The following BMPR1B variants were observed in gnomAD, a reference collection of about 807,000 sequenced individuals.
The protein encoded by BMPR1B is bone morphogenetic protein receptor type 1B, also known as bone morphogenetic protein receptor type-1B.
In BMPR1B, 12 loss-of-function variants were observed where a neutral mutation model predicts 59.1. That is an observed-to-expected ratio of 0.20 (90% CI 0.13 to 0.33). The LOEUF (loss-of-function observed/expected upper bound fraction) is 0.33, where lower values mean the gene tolerates loss of function less well. Ranked by LOEUF, BMPR1B falls within the 10% of genes least tolerant of loss-of-function variation. The probability of loss-of-function intolerance (pLI) is 1.00; values close to 1 mark genes in which losing one functional copy is unlikely to be tolerated. For synonymous variants in BMPR1B, 237 were observed against 207.3 expected, an observed-to-expected ratio of 1.14 and a Z score of -1.23; for missense variants, 550 against 610.9, an observed-to-expected ratio of 0.90 and a Z score of 1.05.
At chr4:94,809,080 A>G (rs927147607) in intron 1 of BMPR1B, among the ~76,000 whole-genome samples, 2 of 151,998 alleles carry the variant, frequency 1.3e-5, no homozygotes, top group Non-Finnish European at 2.9e-5. Flanking sequence ...ATAATTGTAC[A>G]GTTCTTTGAT....
intron 3 of BMPR1B, among the ~76,000 whole-genome samples, chr4:95,085,989 C>CTGTG (rs3068102): frequency 0.24 from 35,783 of 149,734 alleles, 5,240 homozygotes; most frequent in South Asian, 0.38. Context: ...GTGTGTGTAC[C>CTGTG]TGTGTGTGTG....
At chr4:95,000,389 T>C (rs1722356390) in intron 3 of BMPR1B, among the ~76,000 whole-genome samples, 1 of 151,950 alleles carries the variant, frequency 6.6e-6, no homozygotes, top group Non-Finnish European at 1.5e-5. Context: ...TGTTAAAAAA[T>C]ATGTGGAGTG....
chr4:95,002,081 T>C (rs6841746), intron 3 of BMPR1B, among the ~76,000 whole-genome samples: 145,497 of 152,200 alleles, frequency 0.96, 69,577 homozygotes, highest in Middle Eastern at 0.99. Context: ...GATCCCATCA[T>C]CCAAGTAGTG....
intron 1 of BMPR1B, among the ~76,000 whole-genome samples, chr4:94,843,287 A>G (rs997286918): frequency 6.6e-6 from 1 of 152,230 alleles, no homozygotes; most frequent in African/African-American, 2.4e-5. Flanking sequence ...GAAGTTTATT[A>G]TCAAAACAAT....
intron 2 of BMPR1B, among the ~76,000 whole-genome samples, chr4:94,923,068 C>A (rs1014485826): frequency 2.0e-4 from 30 of 152,236 alleles, no homozygotes; most frequent in African/African-American, 7.2e-4. Context: ...CACCATGGGT[C>A]TCTAAAATGC....
chr4:94,819,567 C>T (rs1724130565), intron 1 of BMPR1B, among the ~76,000 whole-genome samples: 1 of 152,174 alleles, frequency 6.6e-6, no homozygotes, highest in Non-Finnish European at 1.5e-5. Context: ...TCTAGTCACA[C>T]CACTTAAACA....
chr4:94,887,263 A>T (rs1462172911), intron 2 of BMPR1B, among the ~76,000 whole-genome samples: 1 of 151,620 alleles, frequency 6.6e-6, no homozygotes, highest in East Asian at 1.9e-4. Flanking sequence ...CCTTTAAACT[A>T]GGAATTGTGT....
rs571207756 is a variant in BMPR1B, at chr4:95,053,356, C to G, written c.-17-51052C>G. 3.1e-3 allele frequency among the ~76,000 whole-genome samples: 445 copies of G among 144,850 alleles called. 4 individuals are homozygous for G. The highest frequency in any genetic ancestry group is 0.011 in the African/African-American group (423 of 40,042). ...TGTACTTAATTTATCTTATATCATACTATCATAGTGGCTAAGAGTACAAAT... is the reference window on the plus strand; with the variant it reads ...TGTACTTAATTTATCTTATATCATAGTATCATAGTGGCTAAGAGTACAAAT... On this transcript the variant is annotated intron_variant, in intron 3 of 12. Transcript: ENST00000515059.
chr4:94,804,344 AACAAATACTT>A, intron 1 of BMPR1B, among the ~76,000 whole-genome samples: 1 of 152,212 alleles, frequency 6.6e-6, no homozygotes, highest in South Asian at 2.1e-4. Flanking sequence ...GGGGAATCAC[AACAAATACTT>A]GTTTATTAAA....
At chr4:94,803,555 A>T (rs1428779379) in intron 1 of BMPR1B, among the ~76,000 whole-genome samples, 1 of 152,192 alleles carries the variant, frequency 6.6e-6, no homozygotes, top group Non-Finnish European at 1.5e-5. Flanking sequence ...AATATCAAAA[A>T]TGGGCAGAAT....
intron 3 of BMPR1B, among the ~76,000 whole-genome samples, chr4:95,046,182 T>C (rs1404904195): frequency 6.6e-6 from 1 of 152,168 alleles, no homozygotes; most frequent in Non-Finnish European, 1.5e-5. Flanking sequence ...TAACTGGGAC[T>C]ATAGCCAAGT....
chr4:94,760,323 A>G (rs1721710328), intron 1 of BMPR1B, among the ~76,000 whole-genome samples: 1 of 152,176 alleles, frequency 6.6e-6, no homozygotes, highest in African/African-American at 2.4e-5. Context: ...GTTTCTCTAA[A>G]TGTTCCAGTC....
At chr4:95,017,735 A>G (rs1319884117) in intron 3 of BMPR1B, among the ~76,000 whole-genome samples, 2 of 152,152 alleles carry the variant, frequency 1.3e-5, no homozygotes, top group Non-Finnish European at 2.9e-5. Flanking sequence ...TTCAATGTGT[A>G]TACTGTACTG....
chr4:94,975,279 T>C (rs774071843), intron 2 of BMPR1B, among the ~76,000 whole-genome samples: 3 of 152,170 alleles, frequency 2.0e-5, no homozygotes, highest in Admixed American at 6.6e-5. Context: ...ATTGAGGTTT[T>C]TGTCTGGAGA....
chr4:94,913,736 A>G (rs1728377475), intron 2 of BMPR1B, among the ~76,000 whole-genome samples: 2 of 152,084 alleles, frequency 1.3e-5, no homozygotes, highest in African/African-American at 4.8e-5. Flanking sequence ...CATAATCCCT[A>G]TTCTCACAAA....
At chr4:94,863,984 G>C (rs1382258824) in intron 1 of BMPR1B, among the ~76,000 whole-genome samples, 3 of 152,170 alleles carry the variant, frequency 2.0e-5, no homozygotes, top group Admixed American at 6.5e-5. Flanking sequence ...GCTAGTATCT[G>C]GTAATGGGGT....
intron 2 of BMPR1B, among the ~76,000 whole-genome samples, chr4:94,963,744 G>A (rs540992053): frequency 3.9e-5 from 6 of 152,148 alleles, no homozygotes; most frequent in African/African-American, 1.4e-4. Flanking sequence ...CTATAGTGTT[G>A]TAATATAATT....
At chr4:94,955,607 C>T (rs1238542697) in intron 2 of BMPR1B, among the ~76,000 whole-genome samples, 4 of 151,404 alleles carry the variant, frequency 2.6e-5, no homozygotes, top group Admixed American at 6.6e-5. Context: ...CATTGTTCCT[C>T]ATGCTTTACA....
At chr4:94,808,927 T>C (rs1428281623) in intron 1 of BMPR1B, among the ~76,000 whole-genome samples, 2 of 152,046 alleles carry the variant, frequency 1.3e-5, no homozygotes, top group East Asian at 3.9e-4. Flanking sequence ...TGGTGGGGGT[T>C]GCCTGTAGTT....
Sources: gnomAD v4.1 joint callset for allele counts (sites outside exome capture counted in the v4.1 genomes callset) on GRCh38, gnomAD v4.1.1 for gene constraint, MANE v1.5 for transcripts, NCBI Gene and HGNC (gene_info 2026-07-23, HGNC 2026-07-21) for gene names.